The following GRAMD1B variants were observed in gnomAD, a reference collection of about 807,000 sequenced individuals.
The protein encoded by GRAMD1B is protein Aster-B.
A neutral mutation model predicts 99.7 loss-of-function variants in GRAMD1B; 37 were observed. The observed-to-expected ratio is 0.37, with a 90% CI of 0.29 to 0.49. The LOEUF (loss-of-function observed/expected upper bound fraction) is 0.49, where lower values mean the gene tolerates loss of function less well. Ranked by LOEUF, GRAMD1B falls within the 20% of genes least tolerant of loss-of-function variation. The probability of loss-of-function intolerance (pLI) is 0.98; values close to 1 mark genes in which losing one functional copy is unlikely to be tolerated. For missense variants in GRAMD1B, 888 were observed against 1,009.2 expected, an observed-to-expected ratio of 0.88 and a Z score of 1.63; for synonymous variants, 427 against 387.6, an observed-to-expected ratio of 1.10 and a Z score of -1.19.
intron 1 of GRAMD1B, among the ~76,000 whole-genome samples, chr11:123,400,243 G>A (rs1356837575): frequency 2.0e-5 from 3 of 152,092 alleles, no homozygotes; most frequent in Non-Finnish European, 2.9e-5. Flanking sequence ...TTGGGAGGCC[G>A]AGGCAGGCAG....
intron 2 of GRAMD1B, among the ~76,000 whole-genome samples, chr11:123,531,325 A>G (rs551772308): frequency 1.3e-5 from 2 of 152,332 alleles, no homozygotes; most frequent in East Asian, 1.9e-4. Context: ...TCTTAAAAGG[A>G]TAAGCGTTTC....
In GRAMD1B at chr11:123,620,294, C is replaced by T. The variant is rs1200747414; in HGVS notation, c.2544+1070C>T. The stretch of plus-strand genomic sequence containing the variant: ...TTTGAAACCGGCCTGGCCAACATGG[C>T]GAAACCCTGTCTCTACTCAAAATAT... On this transcript the variant is annotated intron_variant, in intron 19 of 19. Coordinates refer to ENST00000635736, the MANE Select transcript of GRAMD1B (RefSeq NM_001387025.1). 7.2e-5 allele frequency among the ~76,000 whole-genome samples: 11 copies of T among 151,912 alleles called. No homozygotes were observed. In the East Asian group the frequency reaches 9.7e-4, roughly 13 times the overall value.
At chr11:123,554,468 C>T (rs909662526) in intron 2 of GRAMD1B, among the ~76,000 whole-genome samples, 6 of 146,250 alleles carry the variant, frequency 4.1e-5, no homozygotes, top group East Asian at 4.0e-4. Flanking sequence ...GTGGGAGGAT[C>T]GCTTGAGCCC....
At chr11:123,601,533 G>A (rs1417376168) in intron 8 of GRAMD1B, among the ~76,000 whole-genome samples, 1 of 152,016 alleles carries the variant, frequency 6.6e-6, no homozygotes, top group Non-Finnish European at 1.5e-5. Flanking sequence ...GTGTGTGTGT[G>A]TGTGTGTGTG....
chr11:123,437,723 G>A (rs1949225540), intron 1 of GRAMD1B, among the ~76,000 whole-genome samples: 1 of 152,196 alleles, frequency 6.6e-6, no homozygotes. Flanking sequence ...TCATCTCTCT[G>A]GTGCCAGCCT....
intron 2 of GRAMD1B, among the ~76,000 whole-genome samples, chr11:123,490,220 C>T (rs1049779996): frequency 2.6e-5 from 4 of 152,086 alleles, no homozygotes; most frequent in African/African-American, 7.2e-5. Context: ...AAGCTGGACC[C>T]GGCCAGAGGG....
intron 1 of GRAMD1B, among the ~76,000 whole-genome samples, chr11:123,366,334 C>G (rs1946320246): frequency 6.6e-6 from 1 of 152,232 alleles, no homozygotes; most frequent in Admixed American, 6.5e-5. Context: ...GTTGGCCCAA[C>G]TGTGATGAGG....
intron 1 of GRAMD1B, among the ~76,000 whole-genome samples, chr11:123,447,608 C>T (rs1015922961): frequency 4.6e-5 from 7 of 152,094 alleles, no homozygotes; most frequent in African/African-American, 1.4e-4. Context: ...GCTGTGTGGT[C>T]CTGGGCAGAT....
chr11:123,441,770 T>C (rs1949418286), intron 1 of GRAMD1B, among the ~76,000 whole-genome samples: 1 of 151,830 alleles, frequency 6.6e-6, no homozygotes, highest in Non-Finnish European at 1.5e-5. Context: ...CACTCCAGCC[T>C]GGGCAACAGA....
chr11:123,410,159 A>G (rs1947990742), intron 1 of GRAMD1B, among the ~76,000 whole-genome samples: 1 of 152,182 alleles, frequency 6.6e-6, no homozygotes, highest in South Asian at 2.1e-4. Flanking sequence ...GGACTCATAG[A>G]AGAGAAGATT....
At chr11:123,378,805 G>A (rs1008174077) in intron 1 of GRAMD1B, among the ~76,000 whole-genome samples, 40 of 152,198 alleles carry the variant, frequency 2.6e-4, no homozygotes, top group Non-Finnish European at 2.9e-5. Context: ...GACCAAGCAA[G>A]CAACAGTATT....
chr11:123,437,161 C>T (rs1249920420), intron 1 of GRAMD1B, among the ~76,000 whole-genome samples: 3 of 152,156 alleles, frequency 2.0e-5, no homozygotes, highest in Non-Finnish European at 4.4e-5. Context: ...CAAGATGGCA[C>T]AATTTTTTTG....
intron 14 of GRAMD1B, among the ~76,000 whole-genome samples, chr11:123,611,484 G>T (rs1250922568): frequency 2.6e-5 from 4 of 152,222 alleles, no homozygotes; most frequent in African/African-American, 7.2e-5. Context: ...TTTTTGGGGG[G>T]TTGGGTGTTC....
intron 2 of GRAMD1B, among the ~76,000 whole-genome samples, chr11:123,519,812 C>A (rs991011003): frequency 3.9e-5 from 6 of 152,024 alleles, no homozygotes; most frequent in African/African-American, 1.4e-4. Context: ...TACCCAAGGT[C>A]GTGGGATTCT....
chr11:123,594,765 T>C lies in GRAMD1B; in HGVS notation c.800T>C (p.Leu267Pro). 1 of 1,601,620 alleles carries C rather than the reference T, an allele frequency of 6.2e-7. No homozygotes were observed. The highest frequency in any genetic ancestry group is 8.6e-7 in the Non-Finnish European group (1 of 1,168,658). Residue 267 changes from leucine (L) to proline (P), a missense_variant, in exon 6 of 20, where the codon CTC becomes CCC. Physicochemically the swap from Leu to Pro is moderately conservative, Grantham distance 98. Transcript: ENST00000635736. ...DYSCALQRDI[L>P]LQGRLYLSEN... ...TCATGTGCACTCCAAAGAGACATTC[T>C]CCTTCAGGGCCGACTCTACCTCTCT...
intron 1 of GRAMD1B, among the ~76,000 whole-genome samples, chr11:123,402,960 TA>T (rs1947720672): frequency 8.7e-6 from 1 of 115,580 alleles, no homozygotes; most frequent in African/African-American, 5.1e-5. Flanking sequence ...CCCAAAGGAT[TA>T]AAAATCTTTT....
At chr11:123,455,019 C>T (rs1362625287) in intron 1 of GRAMD1B, among the ~76,000 whole-genome samples, 1 of 152,090 alleles carries the variant, frequency 6.6e-6, no homozygotes, top group Non-Finnish European at 1.5e-5. Context: ...AGCACTTAGT[C>T]TTTTACTAGT....
chr11:123,570,421 C>CTTTTCT (rs1947935626), intron 2 of GRAMD1B, among the ~76,000 whole-genome samples: 2 of 130,578 alleles, frequency 1.5e-5, no homozygotes, highest in African/African-American at 5.8e-5. Context: ...TTTTTCTTTT[C>CTTTTCT]TTTTTTTTTT....
At chr11:123,451,212 G>A (rs556197646) in intron 1 of GRAMD1B, among the ~76,000 whole-genome samples, 1 of 152,336 alleles carries the variant, frequency 6.6e-6, no homozygotes, top group Admixed American at 6.5e-5. Flanking sequence ...AAGGGACAGG[G>A]TATAATTATT....
Sources: gnomAD v4.1 joint callset for allele counts (sites outside exome capture counted in the v4.1 genomes callset) on GRCh38, gnomAD v4.1.1 for gene constraint, MANE v1.5 for transcripts, NCBI Gene and HGNC (gene_info 2026-07-23, HGNC 2026-07-21) for gene names.